Variants in SRPK2 observed in about 807,000 individuals in gnomAD.
SRPK2 encodes SRSF protein kinase 2.
A neutral mutation model predicts 90.8 loss-of-function variants in SRPK2; 21 were observed. The observed-to-expected ratio is 0.23, with a 90% confidence interval of 0.16 to 0.33. The LOEUF (loss-of-function observed/expected upper bound fraction) is 0.33, where lower values mean the gene tolerates loss of function less well. SRPK2 is among the 10% of genes least tolerant of loss of function. SRPK2 has a pLI of 1.00. For missense variants in SRPK2, 620 were observed against 869.0 expected, an observed-to-expected ratio of 0.71 and a Z score of 3.60; for synonymous variants, 288 against 311.1, an observed-to-expected ratio of 0.93 and a Z score of 0.78.
At chr7:105,331,480 GAGA>G (rs1318008428) in intron 2 of SRPK2, among the ~76,000 whole-genome samples, 5 of 152,106 alleles carry the variant, frequency 3.3e-5, no homozygotes, top group African/African-American at 1.2e-4. Flanking sequence ...CTTTGGGAGA[GAGA>G]AGGAGAAAAA....
chr7:105,257,968 G>A (rs1038655894), intron 2 of SRPK2, among the ~76,000 whole-genome samples: 4 of 152,142 alleles, frequency 2.6e-5, no homozygotes, highest in African/African-American at 7.2e-5. Context: ...TTAGCCAGGC[G>A]TGGTGGCACG....
upstream of SRPK2, among the ~76,000 whole-genome samples, chr7:105,392,837 G>A (rs1385560636): frequency 6.6e-6 from 1 of 150,758 alleles, no homozygotes; most frequent in Non-Finnish European, 1.5e-5. Context: ...TTTTGAGAGA[G>A]GGTCTTGCTC....
intron 2 of SRPK2, among the ~76,000 whole-genome samples, chr7:105,313,919 T>G (rs756793068): frequency 1.1e-4 from 17 of 152,062 alleles, no homozygotes; most frequent in Non-Finnish European, 2.2e-4. Flanking sequence ...AAAAAACAAC[T>G]AATTAATATA....
chr7:105,145,101 A>G (rs568418181), intron 9 of SRPK2, among the ~76,000 whole-genome samples, 182 bp downstream of exon 9: 4 of 85,634 alleles, frequency 4.7e-5, no homozygotes, highest in South Asian at 8.1e-4. Flanking sequence ...AGTGAAACTC[A>G]GTTTTCAAAA....
chr7:105,373,615 C>A (rs543971102), intron 2 of SRPK2, among the ~76,000 whole-genome samples: 1 of 152,050 alleles, frequency 6.6e-6, no homozygotes, highest in Non-Finnish European at 1.5e-5. Context: ...GTTGGCCAGG[C>A]TGGTCTCGAA....
chr7:105,121,612 C>G (rs1311395706), intron 15 of SRPK2, among the ~76,000 whole-genome samples: 3 of 152,164 alleles, frequency 2.0e-5, no homozygotes, highest in Non-Finnish European at 4.4e-5. Flanking sequence ...GTGTGGTCCC[C>G]AAGAGCCCCT....
chr7:105,181,096 G>A (rs548943107), intron 3 of SRPK2, among the ~76,000 whole-genome samples: 6 of 152,194 alleles, frequency 3.9e-5, no homozygotes, highest in African/African-American at 9.6e-5. Flanking sequence ...ACGTACATGC[G>A]GCCAATAAGC....
intron 2 of SRPK2, among the ~76,000 whole-genome samples, chr7:105,369,047 A>G (rs1819404296): frequency 6.6e-6 from 1 of 151,922 alleles, no homozygotes; most frequent in African/African-American, 2.4e-5. Context: ...GCAAGGACCA[A>G]GCTCTCACCT....
chr7:105,127,789 A>G (rs893295437), intron 13 of SRPK2, among the ~76,000 whole-genome samples: 2 of 152,198 alleles, frequency 1.3e-5, no homozygotes, highest in East Asian at 3.8e-4. Flanking sequence ...AATATACAAA[A>G]ATGGCAACTG....
At chr7:105,254,935 C>G (rs1803041113) in intron 2 of SRPK2, among the ~76,000 whole-genome samples, 1 of 151,792 alleles carries the variant, frequency 6.6e-6, no homozygotes, top group Non-Finnish European at 1.5e-5. Context: ...GATGATCCAC[C>G]CGCCTCGGCC....
At chr7:105,304,424 T>C (rs1312732262) in intron 2 of SRPK2, 2 of 151,868 alleles carry the variant, frequency 1.3e-5, no homozygotes, top group Non-Finnish European at 2.9e-5. Context: ...AATGGCAGCA[T>C]TGTTGGGGTA....
chr7:105,320,725 T>C (rs1812841242), intron 2 of SRPK2, among the ~76,000 whole-genome samples: 1 of 152,156 alleles, frequency 6.6e-6, no homozygotes, highest in African/African-American at 2.4e-5. Context: ...TTTAACCCAT[T>C]TATGCCGAAG....
chr7:105,118,106 A>C, intron 15 of SRPK2, 84 bp from the exon 16 acceptor site: 1 of 1,454,004 alleles, frequency 6.9e-7, no homozygotes, highest in Non-Finnish European at 9.4e-7. Context: ...CTTTTCAGTG[A>C]AGCGGACAAC....
chr7:105,258,285 C>A (rs1409077230), intron 2 of SRPK2, among the ~76,000 whole-genome samples: 1 of 151,768 alleles, frequency 6.6e-6, no homozygotes. Flanking sequence ...GGCGTGGTGG[C>A]ATGCACCTGT....
chr7:105,323,482 A>G (rs899421256), intron 2 of SRPK2, among the ~76,000 whole-genome samples: 7 of 152,150 alleles, frequency 4.6e-5, no homozygotes, highest in African/African-American at 1.2e-4. Context: ...AAAAACACCT[A>G]CCCATATTCC....
chr7:105,184,857 T>C (rs939110602), intron 3 of SRPK2, among the ~76,000 whole-genome samples: 6 of 152,336 alleles, frequency 3.9e-5, no homozygotes, highest in African/African-American at 1.4e-4. Flanking sequence ...TTTACCACTT[T>C]ATCTAGGCTG....
At chr7:105,145,107 C>CAAAAAAAAAAAAAAAAAAAATA (rs1804389304) in intron 9 of SRPK2, among the ~76,000 whole-genome samples, 176 bp downstream of exon 9, 1 of 107,182 alleles carries the variant, frequency 9.3e-6, no homozygotes, top group Non-Finnish European at 2.0e-5. Flanking sequence ...ACTCAGTTTT[C>CAAAAAAAAAAAAAAAAAAAATA]AAAAAAAAAA....
intron 2 of SRPK2, among the ~76,000 whole-genome samples, chr7:105,256,914 AAG>A: frequency 6.6e-6 from 1 of 152,180 alleles, no homozygotes; most frequent in African/African-American, 2.4e-5. Flanking sequence ...TCATCTTTTA[AAG>A]TAAGTTTCCC....
intron 2 of SRPK2, among the ~76,000 whole-genome samples, chr7:105,322,456 T>G (rs1399669921): frequency 6.6e-6 from 1 of 152,134 alleles, no homozygotes; most frequent in African/African-American, 2.4e-5. Context: ...AGAAACGTCA[T>G]GCAAAGTGAA....
Sources: allele counts gnomAD v4.1 joint callset (sites outside exome capture counted in the v4.1 genomes callset), GRCh38; gene constraint gnomAD v4.1.1; transcripts MANE v1.5; gene names NCBI Gene and HGNC (gene_info 2026-07-23, HGNC 2026-07-21).